NXNL2: variants seen among roughly 807,000 people sequenced by gnomAD.
NXNL2 encodes nucleoredoxin like 2.
In NXNL2, 7 loss-of-function variants were observed where a neutral mutation model predicts 11.1. The observed-to-expected ratio is 0.63, with a 90% confidence interval of 0.36 to 1.18. NXNL2 has a LOEUF of 1.18. NXNL2 is among the 50% of genes most tolerant of loss of function. The pLI, the probability that NXNL2 is intolerant of heterozygous loss-of-function variation, is 0.02. For missense variants in NXNL2, 233 were observed against 217.7 expected, an observed-to-expected ratio of 1.07 and a Z score of -0.44; for synonymous variants, 109 against 101.8, an observed-to-expected ratio of 1.07 and a Z score of -0.42.
Position 88,535,430 on chromosome 9 carries a change from G to A in NXNL2, c.-5G>A, listed in dbSNP as rs1271379693. The A allele has an allele frequency of 1.9e-6, 3 of 1,591,216 alleles. No homozygotes were observed. The highest frequency in any genetic ancestry group is 2.6e-6 in the Non-Finnish European group (3 of 1,171,106). ...TCGGGTCTCAGGTGGCTGCGTGTCT[G>A]CGCCATGGTTGACATTCTGGGCGAG... On this transcript the variant is annotated 5_prime_UTR_variant, in exon 1 of 2. Transcript: ENST00000375854.
At chr9:88,567,907 G>A (rs1418092577) in intron 1 of NXNL2, among the ~76,000 whole-genome samples, 1 of 152,160 alleles carries the variant, frequency 6.6e-6, no homozygotes, top group African/African-American at 2.4e-5. Flanking sequence ...AGGAGGTACT[G>A]ATGCTCAGAA....
chr9:88,563,321 C>T (rs1830113096), intron 1 of NXNL2, among the ~76,000 whole-genome samples: 1 of 152,202 alleles, frequency 6.6e-6, no homozygotes, highest in Non-Finnish European at 1.5e-5. Flanking sequence ...TTTCTCATGT[C>T]GCAGCATCTG....
intron 1 of NXNL2, among the ~76,000 whole-genome samples, chr9:88,543,387 C>T (rs1471473444): frequency 6.6e-6 from 1 of 152,122 alleles, no homozygotes; most frequent in Non-Finnish European, 1.5e-5. Context: ...CCACCTCAGC[C>T]TGTCGAGTAG....
chr9:88,551,914 A>G (rs1307660791), intron 1 of NXNL2, among the ~76,000 whole-genome samples: 1 of 152,142 alleles, frequency 6.6e-6, no homozygotes, highest in African/African-American at 2.4e-5. Context: ...TGGCACTCTT[A>G]CTTTCAGCCA....
chr9:88,567,652 C>G (rs894907297), intron 1 of NXNL2, among the ~76,000 whole-genome samples: 2 of 152,184 alleles, frequency 1.3e-5, no homozygotes, highest in Non-Finnish European at 2.9e-5. Context: ...TTTTTCTAAA[C>G]AGTGTGCCAG....
chr9:88,559,054 T>C (rs907737388), intron 1 of NXNL2, among the ~76,000 whole-genome samples: 1 of 152,114 alleles, frequency 6.6e-6, no homozygotes, highest in African/African-American at 2.4e-5. Context: ...ACCCTCTGTG[T>C]TTCCCAAGAG....
chr9:88,581,854 A>G (rs1489805704), intron 1 of NXNL2, among the ~76,000 whole-genome samples: 1 of 152,214 alleles, frequency 6.6e-6, no homozygotes, highest in African/African-American at 2.4e-5. Context: ...GTACTTGCTG[A>G]TGTCTATGCT....
rs545011210 is a variant in NXNL2, at chr9:88,535,805, C to G, written c.302+69C>G. ...CCCCCATGTTCCCCCAGGCCTCCCC[C>G]TCTGCACTGGGGAGCTCTTTATGAC... is the stretch of plus-strand genomic sequence containing the variant. On this transcript the variant is annotated intron_variant, in intron 1 of 1. Coordinates refer to ENST00000375854, the MANE Select transcript of NXNL2 (RefSeq NM_001161625.2). The G allele has an allele frequency of 2.5e-4, 327 of 1,315,548 alleles. 3 individuals carry two copies. In the Middle Eastern group the frequency reaches 7.4e-3, roughly 30 times the overall value. The allele number at this position is 1,315,548 out of a possible 1,614,324, so 81.5% of individuals were successfully genotyped here.
intron 1 of NXNL2, among the ~76,000 whole-genome samples, chr9:88,564,274 CT>C (rs1451596654): frequency 6.9e-5 from 9 of 130,224 alleles, no homozygotes; most frequent in African/African-American, 2.4e-4. Flanking sequence ...ATCTGTCTAT[CT>C]ATCTATCTAT....
At chr9:88,557,053 C>G (rs1033924320) in intron 1 of NXNL2, among the ~76,000 whole-genome samples, 1 of 142,820 alleles carries the variant, frequency 7.0e-6, no homozygotes, top group African/African-American at 2.6e-5. Context: ...TGCATTCCAT[C>G]CTAGGTGACA....
At chr9:88,549,590 G>C (rs1829899206), downstream of NXNL2, among the ~76,000 whole-genome samples, 1 of 152,128 alleles carries the variant, frequency 6.6e-6, no homozygotes, top group South Asian at 2.1e-4. Context: ...ATTGTTGAGA[G>C]ATCCAACTAC....
chr9:88,571,222 T>A, intron 2 of NXNL2: 1 of 248,570 alleles, frequency 4.0e-6, no homozygotes, highest in Non-Finnish European at 8.0e-6. Context: ...CGTGCCACCA[T>A]GCCAGGCTAA....
In NXNL2 at chr9:88,544,828, G is replaced by A; in HGVS notation, c.*281G>A. On this transcript the variant is annotated 3_prime_UTR_variant, in exon 2 of 2. Transcript: ENST00000375854. ...GATCCTCATATGTTCATACTGAGCT[G>A]TTGGAAATCTATGCAAGACATTTAT... The A allele has an allele frequency of 9.0e-7, 1 of 1,112,214 alleles. No individual in the cohort carries two copies. Among genetic ancestry groups the A allele is most frequent in the South Asian group, 4.0e-5 (1 of 25,254 alleles). The allele number at this position is 1,112,214 out of a possible 1,614,324, so 68.9% of individuals were successfully genotyped here.
chr9:88,582,637 C>T (rs1830421774), intron 1 of NXNL2, among the ~76,000 whole-genome samples: 1 of 143,918 alleles, frequency 6.9e-6, no homozygotes, highest in South Asian at 2.5e-4. Context: ...CCTCCCTCCT[C>T]CCCTCCCTCC....
intron 1 of NXNL2, among the ~76,000 whole-genome samples, chr9:88,570,235 C>G (rs1302532252): frequency 2.6e-5 from 4 of 152,152 alleles, no homozygotes; most frequent in Non-Finnish European, 5.9e-5. Flanking sequence ...TCTCTTGCCT[C>G]AGCCTCCCAA....
chr9:88,537,689 G>T (rs576271376), intron 1 of NXNL2, among the ~76,000 whole-genome samples: 9 of 152,294 alleles, frequency 5.9e-5, no homozygotes, highest in African/African-American at 1.9e-4. Flanking sequence ...AGACCAATCC[G>T]GTTTAGCCAT....
chr9:88,548,339 C>CAAAAAAAA (rs60796870), downstream of NXNL2, among the ~76,000 whole-genome samples: 5 of 31,066 alleles, frequency 1.6e-4, no homozygotes, highest in African/African-American at 4.9e-4. Context: ...GACTTTTTCT[C>CAAAAAAAA]AAAAAAAAAA....
Position 88,550,033 on chromosome 9 carries a change from G to A in NXNL2, c.302+14297G>A, listed in dbSNP as rs138498091. ...GTAGAGATGGGATTTCTCCATTTTG[G>A]TCTCAAACTCCTGACCTCAGGTAAT... is the stretch of plus-strand genomic sequence containing the variant. On this transcript the variant is annotated intron_variant, in intron 1 of 2. Coordinates refer to the NXNL2 transcript ENST00000375855. Among the ~76,000 whole-genome samples, 856 of 152,124 alleles carry A rather than the reference G, an allele frequency of 5.6e-3. 4 individuals carry two copies. The highest frequency in any genetic ancestry group is 8.3e-3 in the Non-Finnish European group (565 of 68,006).
intron 1 of NXNL2, among the ~76,000 whole-genome samples, chr9:88,559,732 A>T (rs760170797): frequency 6.6e-6 from 1 of 152,220 alleles, no homozygotes; most frequent in Non-Finnish European, 1.5e-5. Flanking sequence ...CACGACCAGT[A>T]AGTCCCTCTA....
Sources: gnomAD v4.1 joint callset for allele counts (sites outside exome capture counted in the v4.1 genomes callset) on GRCh38, gnomAD v4.1.1 for gene constraint, MANE v1.5 for transcripts, NCBI Gene and HGNC (gene_info 2026-07-23, HGNC 2026-07-21) for gene names.